MLLT10: variants seen among roughly 807,000 people sequenced by gnomAD.
The protein encoded by MLLT10 is protein AF-10.
Under a neutral mutation model 129.1 loss-of-function variants are expected in MLLT10, and 30 were observed. The observed-to-expected ratio is 0.23, with a 90% CI of 0.17 to 0.32. MLLT10 has a LOEUF of 0.32. Among genes scored for constraint, MLLT10 ranks in the 10% least tolerant of loss-of-function variants. The pLI is 1.00. For missense variants in MLLT10, 1,119 were observed against 1,268.3 expected, an observed-to-expected ratio of 0.88 and a Z score of 1.79; for synonymous variants, 490 against 446.4, an observed-to-expected ratio of 1.10 and a Z score of -1.23.
At chr10:21,676,707 C>T (rs543600230) in intron 11 of MLLT10, among the ~76,000 whole-genome samples, 40 of 91,892 alleles carry the variant, frequency 4.4e-4, no homozygotes, top group African/African-American at 9.1e-4. Context: ...GGAGACAGAG[C>T]GAGACTCCAT....
intron 10 of MLLT10, chr10:21,671,028 G>A: frequency 4.9e-6 from 1 of 205,434 alleles, no homozygotes; most frequent in Non-Finnish European, 9.9e-6. Flanking sequence ...CTGTAGAACA[G>A]TCCTTCTTTT....
At chr10:21,598,672 G>C (rs1244419140) in intron 5 of MLLT10, among the ~76,000 whole-genome samples, 1 of 152,142 alleles carries the variant, frequency 6.6e-6, no homozygotes, top group African/African-American at 2.4e-5. Flanking sequence ...ATGACTTGAG[G>C]TCCAGAGTTC....
At chr10:21,597,268 A>G (rs912766799) in intron 5 of MLLT10, among the ~76,000 whole-genome samples, 1 of 152,168 alleles carries the variant, frequency 6.6e-6, no homozygotes, top group Non-Finnish European at 1.5e-5. Context: ...ACAGCGATAC[A>G]TTATTACTCT....
chr10:21,623,753 C>T (rs2046141514), intron 8 of MLLT10, among the ~76,000 whole-genome samples: 1 of 152,072 alleles, frequency 6.6e-6, no homozygotes, highest in South Asian at 2.1e-4. Context: ...TTAAAAGCAC[C>T]AACCTCACTT....
intron 4 of MLLT10, among the ~76,000 whole-genome samples, chr10:21,589,146 G>T (rs753762051): frequency 8.6e-5 from 13 of 151,860 alleles, no homozygotes; most frequent in Non-Finnish European, 1.9e-4. Flanking sequence ...TTATTATGCT[G>T]TTTTGATATG....
rs150605922 is a variant in MLLT10 at position 21,709,149 on chromosome 10, T to C, written c.1700-4623T>C. ...TCAGCATGCTGCCTCCAGCTAACTT[T>C]TGTTTTCTAATTTTAGAAATTGGAG... On this transcript the variant is annotated intron_variant, in intron 13 of 22. Transcript: ENST00000307729. 6.0e-4 allele frequency among the ~76,000 whole-genome samples: 92 copies of C among 152,328 alleles called. 1 individual carries two copies. Among genetic ancestry groups the C allele is most frequent in the Non-Finnish European group, 5.4e-4 (37 of 68,034 alleles).
chr10:21,651,892 A>C, intron 9 of MLLT10, 124 bp downstream of exon 9: 1 of 388,542 alleles, frequency 2.6e-6, no homozygotes, highest in Non-Finnish European at 4.7e-6. Flanking sequence ...AGGCACTTAG[A>C]ATTCTCATTT....
chr10:21,693,363 T>C (rs2054057006), intron 13 of MLLT10, among the ~76,000 whole-genome samples: 1 of 145,796 alleles, frequency 6.9e-6, no homozygotes, highest in African/African-American at 2.4e-5. Context: ...ATATTAGATG[T>C]CTTTCCCAGG....
At chr10:21,649,083 GT>G (rs1157063344) in intron 8 of MLLT10, among the ~76,000 whole-genome samples, 2 of 151,988 alleles carry the variant, frequency 1.3e-5, no homozygotes, top group Non-Finnish European at 2.9e-5. Flanking sequence ...TGTTATTTTA[GT>G]TTTTTTAAAT....
At chr10:21,607,669 T>C (rs2044197805) in intron 5 of MLLT10, among the ~76,000 whole-genome samples, 2 of 152,228 alleles carry the variant, frequency 1.3e-5, no homozygotes, top group South Asian at 4.1e-4. Context: ...CATTGTATTA[T>C]TGTCACATTT....
intron 3 of MLLT10, among the ~76,000 whole-genome samples, chr10:21,569,078 G>A (rs2039912828): frequency 6.6e-6 from 1 of 152,104 alleles, no homozygotes. Flanking sequence ...TTTACCAAGA[G>A]TTGTTTTTTT....
chr10:21,649,802 TCTG>T (rs2048847122), intron 8 of MLLT10, among the ~76,000 whole-genome samples: 1 of 152,182 alleles, frequency 6.6e-6, no homozygotes, highest in Non-Finnish European at 1.5e-5. Flanking sequence ...CACCATCACT[TCTG>T]CCACATCCTG....
Position 21,734,143 on chromosome 10 carries a change from G to GT in MLLT10, c.2858+15dup. On this transcript the variant is annotated intron_variant, in intron 20 of 22. Transcript: ENST00000307729. ...ACTGACTAACAGGTAAGAAACTTAA[G>GT]TATGTTTTGGGTTTTTTAGTATAAC... is the stretch of plus-strand genomic sequence containing the variant. The GT allele has an allele frequency of 6.3e-7, 1 of 1,577,514 alleles. No individual in the cohort carries two copies. Among genetic ancestry groups the GT allele is most frequent in the Non-Finnish European group, 8.6e-7 (1 of 1,161,030 alleles).
intron 11 of MLLT10, among the ~76,000 whole-genome samples, chr10:21,674,893 T>C (rs558285299): frequency 1.3e-5 from 2 of 152,328 alleles, no homozygotes; most frequent in Admixed American, 1.3e-4. Context: ...TAATGAAGAA[T>C]GTTCATGTTT....
intron 3 of MLLT10, chr10:21,572,074 A>G (rs2040264136): frequency 6.6e-6 from 1 of 152,088 alleles, no homozygotes; most frequent in South Asian, 2.1e-4. Flanking sequence ...GCTAATTTAT[A>G]TTTAGGTCTG....
intron 3 of MLLT10, among the ~76,000 whole-genome samples, chr10:21,579,760 T>G (rs960236608): frequency 2.0e-5 from 3 of 151,500 alleles, no homozygotes; most frequent in African/African-American, 7.3e-5. Flanking sequence ...ACGGGGTTTC[T>G]CCATGTTGGT....
chr10:21,677,573 A>C (rs2052312152), intron 11 of MLLT10, among the ~76,000 whole-genome samples: 1 of 152,170 alleles, frequency 6.6e-6, no homozygotes, highest in African/African-American at 2.4e-5. Flanking sequence ...TGCTATGCAA[A>C]TAGTTGTTAT....
chr10:21,571,111 C>T (rs1031476401), intron 3 of MLLT10, among the ~76,000 whole-genome samples: 10 of 152,118 alleles, frequency 6.6e-5, no homozygotes, highest in African/African-American at 2.4e-4. Flanking sequence ...GTCATATCTA[C>T]AATGTGATAT....
intron 13 of MLLT10, among the ~76,000 whole-genome samples, chr10:21,700,236 A>C (rs576672436): frequency 3.1e-4 from 47 of 151,710 alleles, no homozygotes; most frequent in African/African-American, 1.1e-3. Context: ...CTCCAAATTT[A>C]CTGAATTTAT....
Sources: gnomAD v4.1 joint callset for allele counts (sites outside exome capture counted in the v4.1 genomes callset) on GRCh38, gnomAD v4.1.1 for gene constraint, MANE v1.5 for transcripts, NCBI Gene and HGNC (gene_info 2026-07-23, HGNC 2026-07-21) for gene names.